GFPT1: variants seen among roughly 807,000 people sequenced by gnomAD.
GFPT1 encodes glutamine--fructose-6-phosphate transaminase 1.
A neutral mutation model predicts 92.0 loss-of-function variants in GFPT1; 40 were observed. That is an observed-to-expected ratio of 0.43 (90% CI 0.34 to 0.57). GFPT1 has a LOEUF of 0.57. Ranked by LOEUF, GFPT1 falls within the 20% of genes least tolerant of loss-of-function variation. The pLI, the probability that GFPT1 is intolerant of heterozygous loss-of-function variation, is 0.02. For synonymous variants in GFPT1, 269 were observed against 280.6 expected, an observed-to-expected ratio of 0.96 and a Z score of 0.41; for missense variants, 448 against 869.1, an observed-to-expected ratio of 0.52 and a Z score of 6.09.
intron 9 of GFPT1, among the ~76,000 whole-genome samples, chr2:69,352,587 T>C (rs1470270188): frequency 8.8e-6 from 1 of 114,254 alleles, no homozygotes; most frequent in African/African-American, 3.6e-5. Context: ...CACTACAGCC[T>C]GAGCAACAGA....
At chr2:69,359,440 T>A (rs1226546085) in intron 4 of GFPT1, 114 bp from the exon 5 acceptor site, 4 of 640,602 alleles carry the variant, frequency 6.2e-6, no homozygotes, top group Admixed American at 4.7e-5. Flanking sequence ...TGCTATATAC[T>A]ATTTATGTTA....
intron 11 of GFPT1, 84 bp from the exon 12 acceptor site, chr2:69,346,083 A>C: frequency 1.3e-6 from 1 of 787,268 alleles, no homozygotes; most frequent in Non-Finnish European, 2.2e-6. Flanking sequence ...CCTTTAATAT[A>C]ATCTTGGTAA....
chr2:69,365,766 T>G (rs1456375596), intron 3 of GFPT1, among the ~76,000 whole-genome samples: 1 of 152,160 alleles, frequency 6.6e-6, no homozygotes, highest in Non-Finnish European at 1.5e-5. Context: ...CATTTACCAT[T>G]ATTCAACAGG....
chr2:69,357,842 G>A lies in GFPT1; in HGVS notation c.543+487C>T, dbSNP rs1340955897. ...TTTTCTATAGAAGTTCAGAGCCAAG[G>A]GAAAGTCCCCAAAAGGAAAAATAAG... On this transcript the variant is annotated intron_variant, in intron 6 of 19. Coordinates refer to ENST00000357308, the MANE Select transcript of GFPT1 (RefSeq NM_001244710.2). Among the ~76,000 whole-genome samples the A allele has an allele frequency of 2.0e-5, 3 of 152,146 alleles. No homozygotes were observed. The East Asian group carries it at 5.8e-4, about 29-fold the overall frequency.
Position 69,387,187 on chromosome 2 carries a change from A to C in GFPT1, c.-116T>G. 6 of 1,182,698 alleles carry C rather than the reference A, an allele frequency of 5.1e-6. No individual in the cohort carries two copies. Among genetic ancestry groups the C allele is most frequent in the African/African-American group, 1.6e-5 (1 of 62,158 alleles). The allele number at this position is 1,182,698 out of a possible 1,614,324, so 73.3% of individuals were successfully genotyped here. ...CGGGGGCCGGGGTGGCGCCGACACG[A>C]CTCCCTCGGGGATGCGACGGCCAAG... On this transcript the variant is annotated 5_prime_UTR_variant, in exon 1 of 20. Coordinates refer to ENST00000357308, the MANE Select transcript of GFPT1 (RefSeq NM_001244710.2).
intron 17 of GFPT1, among the ~76,000 whole-genome samples, chr2:69,328,705 T>TA (rs1485521281): frequency 6.6e-6 from 1 of 151,202 alleles, no homozygotes; most frequent in East Asian, 1.9e-4. Context: ...TTAACCCTTT[T>TA]TTTTTTTTTT....
At chr2:69,362,888 C>T (rs1671510607) in intron 4 of GFPT1, among the ~76,000 whole-genome samples, 2 of 152,068 alleles carry the variant, frequency 1.3e-5, no homozygotes, top group East Asian at 1.9e-4. Flanking sequence ...TTCCAAGTAA[C>T]TCTAAAACAC....
Position 69,326,805 on chromosome 2 carries a change from A to G in GFPT1, c.2055+109T>C, listed in dbSNP as rs941291116. On this transcript the variant is annotated intron_variant, in intron 19 of 19. Coordinates refer to ENST00000357308, the MANE Select transcript of GFPT1 (RefSeq NM_001244710.2). ...TGAAAATATAACAGGTGACAGATAT[A>G]TATTTGATAGATTTCTCAAACACTA... 7 of 1,038,848 alleles carry G rather than the reference A, an allele frequency of 6.7e-6. 1 individual carries two copies. Among genetic ancestry groups the G allele is most frequent in the Middle Eastern group, 2.0e-4 (1 of 4,970 alleles). The allele number at this position is 1,038,848 out of a possible 1,614,324, so 64.4% of individuals were successfully genotyped here. A position where few individuals can be genotyped will look rare whatever the true frequency, so the allele number is the denominator to read the frequency against.
Position 69,350,190 on chromosome 2 carries a change from C to T in GFPT1, c.740-7G>A, listed in dbSNP as rs1389698795. On this transcript the variant is annotated splice_region_variant and splice_polypyrimidine_tract_variant and intron_variant, in intron 9 of 19. Transcript: ENST00000357308. Reference sequence around the variant, plus strand: ...CTTCCTTTCTTGTCTTTGCCTAAAGCATATAGTTAACATGAATTGGCAAAC... The same window carrying T: ...CTTCCTTTCTTGTCTTTGCCTAAAGTATATAGTTAACATGAATTGGCAAAC... The T allele has an allele frequency of 3.8e-6, 6 of 1,579,410 alleles. No individual in the cohort carries two copies. In the African/African-American group the frequency reaches 8.1e-5, roughly 21 times the overall value.
intron 15 of GFPT1, among the ~76,000 whole-genome samples, chr2:69,336,254 G>A (rs567064657): frequency 1.4e-5 from 2 of 147,520 alleles, no homozygotes; most frequent in Non-Finnish European, 1.5e-5. Context: ...CAGGAGAATC[G>A]CTTGAACCCA....
At chr2:69,362,590 G>T (rs918053954) in intron 4 of GFPT1, among the ~76,000 whole-genome samples, 2 of 152,042 alleles carry the variant, frequency 1.3e-5, no homozygotes, top group African/African-American at 4.8e-5. Flanking sequence ...AAGGTCAGGA[G>T]ATCGAGACCA....
rs551822750 is a variant in GFPT1, at chr2:69,326,511, G to T, written c.2056-278C>A. ...CTACAGAAGTAGTAGCCCTCATAGGGGACACTAAAAACAAAAGCACTATGT... is the reference window on the plus strand; with the variant it reads ...CTACAGAAGTAGTAGCCCTCATAGGTGACACTAAAAACAAAAGCACTATGT... On this transcript the variant is annotated intron_variant, in intron 19 of 19. Coordinates refer to ENST00000357308, the MANE Select transcript of GFPT1 (RefSeq NM_001244710.2). 2.0e-5 allele frequency among the ~76,000 whole-genome samples: 3 copies of T among 152,256 alleles called. No homozygotes were observed. The South Asian group carries it at 6.2e-4, about 32-fold the overall frequency.
Position 69,363,658 on chromosome 2 carries a change from A to T in GFPT1, c.236T>A (p.Met79Lys). 6.2e-7 allele frequency: 1 copy of T among 1,605,928 alleles called. No individual in the cohort carries two copies. The highest frequency in any genetic ancestry group is 1.1e-5 in the South Asian group (1 of 90,950). ...TACATCAAATTCTATATCCAAATCC[A>T]TATCTTGTTGCTCTGAAGAATATGA... ...LDEEVHKQQD[M>K]DLDIEFDVHL... The change falls in exon 4 of 20, where the codon ATG becomes AAG. Residue 79 changes from methionine to lysine, a missense_variant. Met to Lys is a moderately conservative substitution (Grantham distance 95). Around this residue, in one of 7 missense-constraint regions of GFPT1, gnomAD observed 72 missense variants for 95.1 expected, o/e 0.76. Transcript: ENST00000357308.
chr2:69,345,931 C>CT lies in GFPT1; in HGVS notation c.1077dup (p.Gly360ArgfsTer6). Reference sequence around the variant, plus strand: ...GTATAGTCATCAAAGTTGACTCTTCCTCTCATTGTGTTCACGACAGACTCT... The same window carrying CT: ...GTATAGTCATCAAAGTTGACTCTTCCTTCTCATTGTGTTCACGACAGACTCT... On this transcript the variant is annotated frameshift_variant, in exon 12 of 20. Coordinates refer to ENST00000357308, the MANE Select transcript of GFPT1 (RefSeq NM_001244710.2). LOFTEE classifies it high-confidence loss of function. 1 of 1,593,526 alleles carries CT rather than the reference C, an allele frequency of 6.3e-7. No homozygotes were observed. Among genetic ancestry groups the CT allele is most frequent in the Non-Finnish European group, 8.6e-7 (1 of 1,161,330 alleles).
At chr2:69,334,230 C>A (rs1289072314) in intron 15 of GFPT1, among the ~76,000 whole-genome samples, 1 of 152,046 alleles carries the variant, frequency 6.6e-6, no homozygotes, top group African/African-American at 2.4e-5. Flanking sequence ...TTATTTGCCA[C>A]CTGGAATGGT....
chr2:69,347,782 C>T (rs1671119497), intron 11 of GFPT1, among the ~76,000 whole-genome samples: 1 of 152,108 alleles, frequency 6.6e-6, no homozygotes, highest in South Asian at 2.1e-4. Context: ...CGCACCCAGC[C>T]ATATAGTAGC....
rs1329391906 is a variant in GFPT1, at chr2:69,358,379, T to C, written c.493A>G (p.Ser165Gly). The change falls in exon 6 of 20, where the codon AGT becomes GGT. Residue 165 changes from serine to glycine, a missense_variant. Ser to Gly is a moderately conservative substitution (Grantham distance 56, BLOSUM62 0). Coordinates refer to ENST00000357308, the MANE Select transcript of GFPT1 (RefSeq NM_001244710.2). ...LVKYMYDNRE[S>G]QDTSFTTLVE... ...AAGGTAGTAAAGCTGGTATCTTGAC[T>C]TTCCCGATTGTCATACATATACTTA... is the stretch of plus-strand genomic sequence containing the variant. 4 of 1,612,048 alleles carry C rather than the reference T, an allele frequency of 2.5e-6. No homozygotes were observed. The highest frequency in any genetic ancestry group is 2.2e-5 in the East Asian group (1 of 44,828).
intron 13 of GFPT1, among the ~76,000 whole-genome samples, chr2:69,340,471 C>T (rs1281841749): frequency 6.6e-6 from 1 of 152,006 alleles, no homozygotes; most frequent in Non-Finnish European, 1.5e-5. Flanking sequence ...ATACTTAAAT[C>T]ATTTATGCCT....
In GFPT1 at chr2:69,373,999, A is replaced by G; in HGVS notation, c.115+7T>C. The G allele has an allele frequency of 7.8e-7, 1 of 1,274,766 alleles. No individual in the cohort carries two copies. Among genetic ancestry groups the G allele is most frequent in the Non-Finnish European group, 1.1e-6 (1 of 872,754 alleles). The allele number at this position is 1,274,766 out of a possible 1,614,324, so 79.0% of individuals were successfully genotyped here. A position where few individuals can be genotyped will look rare whatever the true frequency, so the allele number is the denominator to read the frequency against. ...ATGCAAAATCCATAGTATTTTTTTT[A>G]AAGTACCAGCAGAATCATATCCTCT... On this transcript the variant is annotated splice_region_variant and intron_variant, in intron 2 of 19. Coordinates refer to ENST00000357308, the MANE Select transcript of GFPT1 (RefSeq NM_001244710.2).
Sources: gnomAD v4.1 joint callset for allele counts (sites outside exome capture counted in the v4.1 genomes callset) on GRCh38, gnomAD v4.1.1 for gene constraint, gnomAD v4.1.1 regional missense constraint, MANE v1.5 for transcripts, NCBI Gene and HGNC (gene_info 2026-07-23, HGNC 2026-07-21) for gene names.